MPHOSPH9: variants seen among roughly 807,000 people sequenced by gnomAD.
MPHOSPH9 encodes the protein M-phase phosphoprotein 9.
Under a neutral mutation model 145.5 loss-of-function variants are expected in MPHOSPH9, and 88 were observed. The ratio of observed to expected loss-of-function variants is 0.60; its 90% CI spans 0.51 to 0.72. The LOEUF (loss-of-function observed/expected upper bound fraction) is 0.72, where lower values mean the gene tolerates loss of function less well. Among genes scored for constraint, MPHOSPH9 ranks in the 30% least tolerant of loss-of-function variants. The pLI, the probability that MPHOSPH9 is intolerant of heterozygous loss-of-function variation, is 0.00. For missense variants in MPHOSPH9, 1,238 were observed against 1,386.6 expected (o/e 0.89, Z 1.70); for synonymous variants, 435 against 486.2 (o/e 0.89, Z 1.39).
rs542467792 is a variant in MPHOSPH9, at chr12:123,159,554, G to A, written c.3450+1227C>T. ...GAAGAGCTTATCTTCATACACGGCA[G>A]GTAGGAGTAGAAATTGTCTCAAACA... On this transcript the variant is annotated intron_variant, in intron 23 of 23. Transcript: ENST00000606320. The surrounding 1 kb of genome is among the most constrained non-coding windows in gnomAD (Gnocchi z 4.3). 6.6e-6 allele frequency: 1 copy of A among 152,200 alleles called. No individual in the cohort carries two copies. Among genetic ancestry groups the A allele is most frequent in the Admixed American group, 6.5e-5 (1 of 15,290 alleles). The allele number at this position is 152,200 out of a possible 1,614,324, so 9.4% of individuals were successfully genotyped here.
At chr12:123,202,490 G>A in intron 10 of MPHOSPH9, 134 bp downstream of exon 10, 2 of 1,200,384 alleles carry the variant, frequency 1.7e-6, no homozygotes, top group Non-Finnish European at 2.3e-6. Context: ...AAGTGAAAAA[G>A]TTTTTATATG....
chr12:123,181,607 T>C (rs979308825), intron 13 of MPHOSPH9, among the ~76,000 whole-genome samples: 8 of 151,564 alleles, frequency 5.3e-5, no homozygotes, highest in Middle Eastern at 3.4e-3. Flanking sequence ...CCTGTAATCC[T>C]AGCACTTTGG....
At chr12:123,206,521 AGAGAAGAGAT>A (rs961657104) in intron 8 of MPHOSPH9, among the ~76,000 whole-genome samples, 7 of 93,340 alleles carry the variant, frequency 7.5e-5, no homozygotes, top group African/African-American at 1.8e-4. Context: ...GGAGAAGAGA[AGAGAAGAGAT>A]GAGAAGAGAA....
chr12:123,214,105 T>A (rs925871524), intron 7 of MPHOSPH9, among the ~76,000 whole-genome samples: 10 of 151,864 alleles, frequency 6.6e-5, no homozygotes, highest in African/African-American at 1.9e-4. Context: ...CACCATGGAG[T>A]GTAAAGGATG....
At chr12:123,179,218 G>A (rs762101336) in intron 15 of MPHOSPH9, among the ~76,000 whole-genome samples, 9 of 152,022 alleles carry the variant, frequency 5.9e-5, no homozygotes, top group African/African-American at 9.7e-5. Context: ...ACTTGAGGTC[G>A]AGAGATCTGA....
chr12:123,167,023 C>T (rs887676626), intron 16 of MPHOSPH9, among the ~76,000 whole-genome samples: 14 of 152,276 alleles, frequency 9.2e-5, no homozygotes, highest in African/African-American at 3.1e-4. Flanking sequence ...CAGGTACTTG[C>T]GGCTCTGAAC....
rs754859904 is a variant in MPHOSPH9, at chr12:123,221,717, T to C, written c.527A>G (p.Glu176Gly). 1.2e-6 allele frequency: 2 copies of C among 1,614,008 alleles called. No homozygotes were observed. The highest frequency in any genetic ancestry group is 2.7e-5 in the African/African-American group (2 of 74,928). Residue 176 changes from glutamate to glycine, a missense_variant, in exon 5 of 24, where the codon GAA becomes GGA. Coordinates refer to ENST00000606320, the MANE Select transcript of MPHOSPH9 (RefSeq NM_022782.4). ...TGACGTGGACATTTCTTGCTGTATT[T>C]CAGGTTCTGTGGATTCAGGATAATG... ...VIHYPESTEPEIQQEMSTSQP... is the reference protein window; with the variant it reads ...VIHYPESTEPGIQQEMSTSQP...
chr12:123,185,636 C>T (rs1011032582), intron 13 of MPHOSPH9, among the ~76,000 whole-genome samples: 4 of 151,970 alleles, frequency 2.6e-5, no homozygotes, highest in Admixed American at 6.6e-5. Context: ...TCTCAGCAGT[C>T]GGAGAGGCTG....
At chr12:123,243,216 A>C (rs1055383213) in intron 1 of MPHOSPH9, among the ~76,000 whole-genome samples, 8 of 151,848 alleles carry the variant, frequency 5.3e-5, no homozygotes, top group Non-Finnish European at 7.4e-5. Context: ...GCATCTTGCC[A>C]ATACCATCTT....
At chr12:123,178,051 C>T (rs1458828157) in intron 15 of MPHOSPH9, among the ~76,000 whole-genome samples, 1 of 152,058 alleles carries the variant, frequency 6.6e-6, no homozygotes, top group Non-Finnish European at 1.5e-5. Context: ...TCTTTTTTCC[C>T]CCCTTTAAGA....
At chr12:123,232,672 G>A (rs1322549365) in intron 1 of MPHOSPH9, among the ~76,000 whole-genome samples, 1 of 152,076 alleles carries the variant, frequency 6.6e-6, no homozygotes, top group African/African-American at 2.4e-5. Context: ...GGAAGGAGAG[G>A]GAGAATCTAT....
At chr12:123,208,524 A>G (rs1052657956) in intron 8 of MPHOSPH9, among the ~76,000 whole-genome samples, 3 of 124,256 alleles carry the variant, frequency 2.4e-5, no homozygotes, top group African/African-American at 7.7e-5. Flanking sequence ...CGACAGAGTG[A>G]AACTGTCTCA....
intron 15 of MPHOSPH9, among the ~76,000 whole-genome samples, chr12:123,177,763 T>TA (rs2044945149): frequency 6.6e-6 from 1 of 151,680 alleles, no homozygotes; most frequent in African/African-American, 2.4e-5. Flanking sequence ...TTAATCCTAA[T>TA]ATGTATATAA....
At chr12:123,220,005 C>T (rs1016541903) in intron 5 of MPHOSPH9, among the ~76,000 whole-genome samples, 16 of 152,212 alleles carry the variant, frequency 1.1e-4, no homozygotes, top group Non-Finnish European at 2.4e-4. Flanking sequence ...ACCAGCCTGG[C>T]CAACACGGCG....
At chr12:123,182,225 C>T (rs2045200698) in intron 13 of MPHOSPH9, among the ~76,000 whole-genome samples, 1 of 150,652 alleles carries the variant, frequency 6.6e-6, no homozygotes, top group South Asian at 2.1e-4. Flanking sequence ...AGGCGTGAGC[C>T]ATCATGCCCG....
chr12:123,242,477 G>A (rs575050221), intron 1 of MPHOSPH9, among the ~76,000 whole-genome samples: 21 of 152,212 alleles, frequency 1.4e-4, no homozygotes, highest in Non-Finnish European at 2.9e-4. Context: ...AATCCAATTC[G>A]TATTTTTTTG....
chr12:123,198,462 T>C, intron 11 of MPHOSPH9, 128 bp from the exon 12 acceptor site: 1 of 743,650 alleles, frequency 1.3e-6, no homozygotes, highest in South Asian at 1.8e-5. Context: ...AGACTCAGGA[T>C]GCCATTTTAA....
At chr12:123,197,211 C>T (rs1207639281) in intron 12 of MPHOSPH9, among the ~76,000 whole-genome samples, 2 of 151,672 alleles carry the variant, frequency 1.3e-5, no homozygotes, top group African/African-American at 4.8e-5. Context: ...GAGACAGGGT[C>T]ATGCTCTCTT....
chr12:123,218,363 A>G lies in MPHOSPH9; in HGVS notation c.996+13T>C. Reference sequence around the variant, plus strand: ...AGTACTGGAGCCCGCAGGGAAAGTGACTAGTCACCTACTTTCTCAATTGGT... The same window carrying G: ...AGTACTGGAGCCCGCAGGGAAAGTGGCTAGTCACCTACTTTCTCAATTGGT... On this transcript the variant is annotated intron_variant, in intron 6 of 23. Coordinates refer to ENST00000606320, the MANE Select transcript of MPHOSPH9 (RefSeq NM_022782.4). 6.2e-7 allele frequency: 1 copy of G among 1,613,818 alleles called. No individual in the cohort carries two copies. The highest frequency in any genetic ancestry group is 8.5e-7 in the Non-Finnish European group (1 of 1,179,772).
Sources: gnomAD v4.1 joint callset for allele counts (sites outside exome capture counted in the v4.1 genomes callset) on GRCh38, gnomAD v4.1.1 for gene constraint, Gnocchi (gnomAD v3.1) non-coding constraint, MANE v1.5 for transcripts, NCBI Gene and HGNC (gene_info 2026-07-23, HGNC 2026-07-21) for gene names.